AFAP1: variants seen among roughly 807,000 people sequenced by gnomAD.
AFAP1 encodes actin filament associated protein 1.
AFAP1 carries 75 observed loss-of-function variants against 93.9 expected under a neutral mutation model. The ratio of observed to expected loss-of-function variants is 0.80; its 90% CI spans 0.66 to 0.97. The LOEUF is 0.97. Ranked by LOEUF, AFAP1 falls within the 50% of genes least tolerant of loss-of-function variation. AFAP1 has a pLI of 0.00. For missense variants in AFAP1, 1,201 were observed against 1,050.8 expected (o/e 1.14, Z -1.98); for synonymous variants, 517 against 430.7 (o/e 1.20, Z -2.48).
intron 3 of AFAP1, among the ~76,000 whole-genome samples, chr4:7,861,216 C>A (rs1204326470): frequency 6.6e-6 from 1 of 152,184 alleles, no homozygotes; most frequent in African/African-American, 2.4e-5. Flanking sequence ...AATCAGGGCT[C>A]CAGTTCCATT....
chr4:7,851,359 C>T (rs1245492303), intron 4 of AFAP1, among the ~76,000 whole-genome samples: 3 of 152,176 alleles, frequency 2.0e-5, no homozygotes, highest in Admixed American at 6.6e-5. Context: ...GAGCAAGCAG[C>T]CCTTAGTCCT....
Position 7,781,566 on chromosome 4 carries a change from T to A in AFAP1, c.1592A>T (p.Tyr531Phe). Residue 531 changes from tyrosine to phenylalanine, a missense_variant, in exon 13 of 18, where the codon TAT (tyrosine) becomes TTT (phenylalanine). Transcript: ENST00000420658. The part of the protein sequence containing the change: ...CSRGLGEEVL[Y>F]DNAGLYDNLP... ...GTTATCGTACAGGCCTGCGTTATCA[T>A]AAAGCACCTCTTCTCCCAAGCCTCT... 6.4e-7 allele frequency: 1 copy of A among 1,551,852 alleles called. No homozygotes were observed. Among genetic ancestry groups the A allele is most frequent in the Admixed American group, 2.0e-5 (1 of 50,998 alleles).
rs564323639 is a variant in AFAP1, at chr4:7,888,260, C to T, written c.-2-16180G>A. On this transcript the variant is annotated intron_variant, in intron 1 of 17. Transcript: ENST00000420658. The stretch of plus-strand genomic sequence containing the variant: ...GAAAGGACATTATGATTCACCTAAA[C>T]GCACCAAAACACAAAGTGTCTTAAC... Among the ~76,000 whole-genome samples, 12 of 152,306 alleles carry T rather than the reference C, an allele frequency of 7.9e-5. No homozygotes were observed. The East Asian group carries it at 9.6e-4, about 12-fold the overall frequency.
chr4:7,895,859 T>G (rs943944839), intron 1 of AFAP1, among the ~76,000 whole-genome samples: 12 of 150,184 alleles, frequency 8.0e-5, no homozygotes, highest in Non-Finnish European at 1.2e-4. Context: ...AAAGTTTTTT[T>G]TTTTTTTTTT....
chr4:7,911,859 T>C (rs181010206), intron 1 of AFAP1, among the ~76,000 whole-genome samples: 57 of 152,340 alleles, frequency 3.7e-4, no homozygotes, highest in African/African-American at 4.8e-5. Context: ...TTTGGAAGGC[T>C]ACCTGGGATA....
chr4:7,844,759 G>C (rs544642895), intron 4 of AFAP1, among the ~76,000 whole-genome samples: 2 of 152,230 alleles, frequency 1.3e-5, no homozygotes, highest in Non-Finnish European at 2.9e-5. Flanking sequence ...ACCAGCGCCC[G>C]TCATTCCTCT....
At chr4:7,905,373 CT>C (rs1719342619) in intron 1 of AFAP1, among the ~76,000 whole-genome samples, 1 of 152,184 alleles carries the variant, frequency 6.6e-6, no homozygotes, top group African/African-American at 2.4e-5. Context: ...GGAAGTGTGA[CT>C]TTTATAGAAA....
chr4:7,927,947 T>C (rs1309371438), intron 1 of AFAP1, among the ~76,000 whole-genome samples: 1 of 152,132 alleles, frequency 6.6e-6, no homozygotes, highest in Non-Finnish European at 1.5e-5. Context: ...AGTCAAGTCA[T>C]AGAGATGAAA....
Position 7,772,854 on chromosome 4 carries a change from G to T in AFAP1, c.2219C>A (p.Ala740Asp). The T allele has an allele frequency of 6.2e-7, 1 of 1,613,898 alleles. No individual in the cohort carries two copies. Among genetic ancestry groups the T allele is most frequent in the Non-Finnish European group, 8.5e-7 (1 of 1,179,996 alleles). The part of the protein sequence containing the change: ...ALAGGVTLGL[A>D]IEPKSGTSSP... ...CGATGTCCCTGACTTGGGCTCGATG[G>T]CCAGCCCCAGGGTGACTCCGCCCGC... The change falls in exon 16 of 18, where the codon GCC (alanine) becomes GAC (aspartate). Residue 740 changes from alanine (A) to aspartate (D), a missense_variant. Physicochemically the swap from Ala to Asp is moderately radical, Grantham distance 126. Coordinates refer to ENST00000420658, the MANE Select transcript of AFAP1 (RefSeq NM_001134647.2).
intron 4 of AFAP1, among the ~76,000 whole-genome samples, chr4:7,854,733 A>G (rs921465095): frequency 6.8e-6 from 1 of 147,532 alleles, no homozygotes; most frequent in Non-Finnish European, 1.5e-5. Flanking sequence ...TTTTAAAAAA[A>G]GCAAGCTGGA....
At chr4:7,927,091 C>T (rs1454681804) in intron 1 of AFAP1, among the ~76,000 whole-genome samples, 1 of 152,168 alleles carries the variant, frequency 6.6e-6, no homozygotes, top group Admixed American at 6.5e-5. Flanking sequence ...AGAGATGTGG[C>T]CTTGGGGCAG....
At chr4:7,872,304 C>A in intron 1 of AFAP1, 1 of 456,134 alleles carries the variant, frequency 2.2e-6, no homozygotes. Context: ...CAGCAAAATT[C>A]AACTGGGAGA....
intron 4 of AFAP1, among the ~76,000 whole-genome samples, chr4:7,846,810 C>T (rs1300364387): frequency 6.6e-6 from 1 of 152,170 alleles, no homozygotes; most frequent in Non-Finnish European, 1.5e-5. Flanking sequence ...GGAGATGGGG[C>T]ACATAAGACA....
At chr4:7,921,432 G>A (rs999114536) in intron 1 of AFAP1, among the ~76,000 whole-genome samples, 2 of 152,050 alleles carry the variant, frequency 1.3e-5, no homozygotes, top group African/African-American at 4.8e-5. Flanking sequence ...TGATCCGCCT[G>A]TCTCCGCCTC....
At chr4:7,791,883 A>C (rs1311766576) in intron 11 of AFAP1, among the ~76,000 whole-genome samples, 1 of 151,862 alleles carries the variant, frequency 6.6e-6, no homozygotes, top group Non-Finnish European at 1.5e-5. Flanking sequence ...ACAAAACCCT[A>C]ATAACAAACC....
Position 7,855,864 on chromosome 4 carries a change from C to G in AFAP1, c.226-290G>C, listed in dbSNP as rs901518509. On this transcript the variant is annotated intron_variant, in intron 3 of 17. Coordinates refer to ENST00000420658, the MANE Select transcript of AFAP1 (RefSeq NM_001134647.2). Reference sequence around the variant, plus strand: ...TGGAGCATCCACGACACAGAATGCCCCTTCCCCCACGCAGGACTGGGCCTG... The same window carrying G: ...TGGAGCATCCACGACACAGAATGCCGCTTCCCCCACGCAGGACTGGGCCTG... Among the ~76,000 whole-genome samples, 6 of 152,282 alleles carry G rather than the reference C, an allele frequency of 3.9e-5. No individual in the cohort carries two copies. In the South Asian group the frequency reaches 1.2e-3, roughly 32 times the overall value.
At chr4:7,792,527 G>A (rs1231782783) in intron 11 of AFAP1, among the ~76,000 whole-genome samples, 2 of 152,080 alleles carry the variant, frequency 1.3e-5, no homozygotes, top group African/African-American at 4.8e-5. Flanking sequence ...GGTGTAGCTA[G>A]CTCATTTTCA....
At chr4:7,937,296 G>A (rs761332396) in intron 1 of AFAP1, among the ~76,000 whole-genome samples, 1 of 151,348 alleles carries the variant, frequency 6.6e-6, no homozygotes, top group Admixed American at 6.6e-5. Context: ...ATTTTCAAAG[G>A]CTTCCGTTAT....
At chr4:7,798,792 G>T in intron 10 of AFAP1, 1 of 729,560 alleles carries the variant, frequency 1.4e-6, no homozygotes, top group Non-Finnish European at 1.7e-6. Context: ...GGCAGGGCAG[G>T]TGACTTCTTC....
Sources: allele counts gnomAD v4.1 joint callset (sites outside exome capture counted in the v4.1 genomes callset), GRCh38; gene constraint gnomAD v4.1.1; transcripts MANE v1.5; gene names NCBI Gene and HGNC (gene_info 2026-07-23, HGNC 2026-07-21).